The following LRFN2 variants were observed in gnomAD, a reference collection of about 807,000 sequenced individuals.
The protein encoded by LRFN2 is leucine rich repeat and fibronectin type III domain containing 2.
Under a neutral mutation model 37.3 loss-of-function variants are expected in LRFN2, and 18 were observed. That is an observed-to-expected ratio of 0.48 (90% CI 0.33 to 0.72). The LOEUF (loss-of-function observed/expected upper bound fraction) is 0.72. Among genes scored for constraint, LRFN2 ranks in the 30% least tolerant of loss-of-function variants. LRFN2 has a pLI of 0.02. For missense variants in LRFN2, 1,006 were observed against 1,060.7 expected, an observed-to-expected ratio of 0.95 and a Z score of 0.72; for synonymous variants, 556 against 466.6, an observed-to-expected ratio of 1.19 and a Z score of -2.47.
intron 2 of LRFN2, among the ~76,000 whole-genome samples, chr6:40,431,340 C>G (rs994187974): frequency 6.6e-6 from 1 of 152,166 alleles, no homozygotes; most frequent in African/African-American, 2.4e-5. Context: ...AAATGCATGC[C>G]TCTTTTGGGG....
chr6:40,409,232 C>A (rs1332562849), intron 2 of LRFN2, among the ~76,000 whole-genome samples: 1 of 152,220 alleles, frequency 6.6e-6, no homozygotes, highest in African/African-American at 2.4e-5. Context: ...TAACCATCTC[C>A]CTCTGTCAGA....
chr6:40,563,829 C>T (rs1767042653), intron 1 of LRFN2, among the ~76,000 whole-genome samples: 1 of 152,198 alleles, frequency 6.6e-6, no homozygotes, highest in African/African-American at 2.4e-5. Flanking sequence ...CTTGTTAGCA[C>T]TACGATTACC....
intron 2 of LRFN2, among the ~76,000 whole-genome samples, chr6:40,408,289 C>T (rs565676200): frequency 6.6e-6 from 1 of 152,156 alleles, no homozygotes; most frequent in Non-Finnish European, 1.5e-5. Flanking sequence ...ACCAGGTGAG[C>T]AGGAAGAGGA....
chr6:40,473,566 T>TTA (rs1764648139), intron 1 of LRFN2, among the ~76,000 whole-genome samples: 1 of 152,218 alleles, frequency 6.6e-6, no homozygotes, highest in Non-Finnish European at 1.5e-5. Context: ...ATTACTATTA[T>TTA]CATCCCTGTT....
At chr6:40,534,541 C>T (rs557999754) in intron 1 of LRFN2, among the ~76,000 whole-genome samples, 2 of 152,180 alleles carry the variant, frequency 1.3e-5, no homozygotes, top group East Asian at 3.9e-4. Context: ...TGGCCCTGGA[C>T]AAATATGGAA....
intron 1 of LRFN2, among the ~76,000 whole-genome samples, chr6:40,480,013 A>G (rs1257432119): frequency 2.0e-5 from 3 of 152,258 alleles, no homozygotes; most frequent in African/African-American, 7.2e-5. Flanking sequence ...TCCCCTTTTC[A>G]CGTCTTTATA....
At chr6:40,497,498 A>G (rs1056701398) in intron 1 of LRFN2, among the ~76,000 whole-genome samples, 9 of 152,214 alleles carry the variant, frequency 5.9e-5, no homozygotes, top group Non-Finnish European at 1.3e-4. Flanking sequence ...GAGTCATATA[A>G]GCACTCTGTT....
chr6:40,531,500 C>A (rs1339284830), intron 1 of LRFN2, among the ~76,000 whole-genome samples: 3 of 152,156 alleles, frequency 2.0e-5, no homozygotes, highest in African/African-American at 7.2e-5. Flanking sequence ...TAGCTGTAGT[C>A]AATTCTACCC....
chr6:40,577,626 T>G (rs1767313290), intron 1 of LRFN2, among the ~76,000 whole-genome samples: 1 of 120,296 alleles, frequency 8.3e-6, no homozygotes. Context: ...ATATTCCCCT[T>G]CCTGTGTCCA....
chr6:40,406,713 C>T (rs940818861), intron 2 of LRFN2, among the ~76,000 whole-genome samples: 7 of 152,234 alleles, frequency 4.6e-5, no homozygotes, highest in East Asian at 1.9e-4. Context: ...CCCAATGCAA[C>T]CCCACAGCTG....
chr6:40,493,397 C>T (rs1765139926), intron 1 of LRFN2, among the ~76,000 whole-genome samples: 1 of 152,194 alleles, frequency 6.6e-6, no homozygotes, highest in Admixed American at 6.5e-5. Context: ...ACACTGTTTT[C>T]TATATTCCAG....
chr6:40,487,893 T>C lies in LRFN2; in HGVS notation c.-18-54762A>G, dbSNP rs370970061. Among the ~76,000 whole-genome samples the C allele has an allele frequency of 9.8e-5, 14 of 142,922 alleles. No individual in the cohort carries two copies. In the South Asian group the frequency reaches 2.9e-3, roughly 30 times the overall value. 93.8% of individuals were successfully genotyped at this position (142,922 alleles called of 152,430 possible). On this transcript the variant is annotated intron_variant, in intron 1 of 2. Transcript: ENST00000338305. ...AGCAGTCAGAATCACCCAACCCTCC[T>C]AACCCCCTTTCCCAATCTCAGCCTT...
chr6:40,482,192 A>G (rs1415929719), intron 1 of LRFN2, among the ~76,000 whole-genome samples: 12 of 152,168 alleles, frequency 7.9e-5, no homozygotes, highest in African/African-American at 7.2e-5. Flanking sequence ...GAACATGGGA[A>G]ACCTTGGCTT....
At chr6:40,529,240 C>T (rs929349828) in intron 1 of LRFN2, among the ~76,000 whole-genome samples, 1 of 152,146 alleles carries the variant, frequency 6.6e-6, no homozygotes, top group African/African-American at 2.4e-5. Context: ...CTTCAAAGGA[C>T]CCCAGGACCT....
intron 1 of LRFN2, among the ~76,000 whole-genome samples, chr6:40,437,008 G>A (rs1763695614): frequency 6.6e-6 from 1 of 152,164 alleles, no homozygotes; most frequent in Non-Finnish European, 1.5e-5. Context: ...GTGTGTGTGT[G>A]TGTATGTGTA....
chr6:40,407,892 T>C (rs1209846199), intron 2 of LRFN2: 1 of 152,246 alleles, frequency 6.6e-6, no homozygotes, highest in Non-Finnish European at 1.5e-5. Flanking sequence ...ACTGGAACCA[T>C]GCAGAGGTCA....
chr6:40,536,826 G>T (rs1766457805), intron 1 of LRFN2, among the ~76,000 whole-genome samples: 1 of 152,168 alleles, frequency 6.6e-6, no homozygotes, highest in Admixed American at 6.5e-5. Flanking sequence ...TTATCTCCTG[G>T]CCCCTGGCGA....
intron 1 of LRFN2, among the ~76,000 whole-genome samples, chr6:40,493,562 T>A (rs2113871298): frequency 6.6e-6 from 1 of 152,302 alleles, no homozygotes; most frequent in South Asian, 2.1e-4. Context: ...CTACAATGGA[T>A]GAGGCCAAAT....
chr6:40,408,149 G>T (rs757666420), intron 2 of LRFN2, among the ~76,000 whole-genome samples: 12 of 152,116 alleles, frequency 7.9e-5, no homozygotes, highest in African/African-American at 1.2e-4. Context: ...AAAATGGATG[G>T]TGACAGTGAC....
Sources: allele counts gnomAD v4.1 joint callset (sites outside exome capture counted in the v4.1 genomes callset), GRCh38; gene constraint gnomAD v4.1.1; transcripts MANE v1.5; gene names NCBI Gene and HGNC (gene_info 2026-07-23, HGNC 2026-07-21).